The following SNTG2 variants were observed in gnomAD, a reference collection of about 807,000 sequenced individuals.
The protein encoded by SNTG2 is gamma-2-syntrophin.
In SNTG2, 74 loss-of-function variants were observed where a neutral mutation model predicts 70.9. The observed-to-expected ratio is 1.04, with a 90% CI of 0.86 to 1.27. SNTG2 has a LOEUF of 1.27. Among genes scored for constraint, SNTG2 ranks in the 50% most tolerant of loss-of-function variants. The probability of loss-of-function intolerance (pLI) is 0.00; values close to 1 mark genes in which losing one functional copy is unlikely to be tolerated. For synonymous variants in SNTG2, 278 were observed against 273.8 expected (o/e 1.02, Z -0.15); for missense variants, 717 against 690.7 (o/e 1.04, Z -0.43).
At chr2:1,309,051 T>G (rs917942684) in intron 15 of SNTG2, among the ~76,000 whole-genome samples, 1 of 152,176 alleles carries the variant, frequency 6.6e-6, no homozygotes, top group Admixed American at 6.5e-5. Flanking sequence ...ACTACGTAAG[T>G]GTTAAGGAAA....
intron 6 of SNTG2, among the ~76,000 whole-genome samples, chr2:1,146,817 C>G (rs1190930515): frequency 6.6e-6 from 1 of 152,148 alleles, no homozygotes; most frequent in Non-Finnish European, 1.5e-5. Flanking sequence ...AAATGGACAT[C>G]TACATGTACA....
chr2:1,005,583 C>T (rs1334182784), intron 1 of SNTG2, among the ~76,000 whole-genome samples: 4 of 151,364 alleles, frequency 2.6e-5, no homozygotes, highest in East Asian at 2.0e-4. Context: ...GCGGGTGGAT[C>T]GCCTGAGGTC....
intron 1 of SNTG2, among the ~76,000 whole-genome samples, chr2:1,011,808 A>T (rs1401846230): frequency 6.6e-6 from 1 of 152,214 alleles, no homozygotes; most frequent in Non-Finnish European, 1.5e-5. Flanking sequence ...ACTAAAAAAC[A>T]CATTTAAAAA....
intron 1 of SNTG2, among the ~76,000 whole-genome samples, chr2:997,613 T>C (rs1661731168): frequency 1.3e-5 from 2 of 152,096 alleles, no homozygotes; most frequent in Admixed American, 1.3e-4. Flanking sequence ...CAGAACTAGA[T>C]TGAGACCTCC....
At chr2:1,120,925 A>G (rs1444116959) in intron 4 of SNTG2, among the ~76,000 whole-genome samples, 2 of 152,130 alleles carry the variant, frequency 1.3e-5, no homozygotes, top group Non-Finnish European at 2.9e-5. Flanking sequence ...TATATAAAGA[A>G]CTTTCCATGC....
chr2:1,138,710 T>C (rs1307266253), intron 6 of SNTG2, among the ~76,000 whole-genome samples: 1 of 152,126 alleles, frequency 6.6e-6, no homozygotes, highest in East Asian at 1.9e-4. Context: ...GGAGTTTAAT[T>C]CTGTGAGTTG....
rs984470031 is a variant in SNTG2 at position 1,308,541 on chromosome 2, G to C, written c.1332G>C (p.Thr444=). The C allele has an allele frequency of 6.4e-7, 1 of 1,551,510 alleles. No individual in the cohort carries two copies. Among genetic ancestry groups the C allele is most frequent in the African/African-American group, 1.4e-5 (1 of 73,020 alleles). ...GGCAAGGAGAGATGCTGTGTTTCAC[G>C]GTGGATTTCGCGTTGGGATTTACCT... is the stretch of plus-strand genomic sequence containing the variant. ...CSWQGEMLCF[T]VDFALGFTCF... Residue 444 remains threonine (T), a synonymous_variant, in exon 15 of 17, where the codon ACG becomes ACC. Transcript: ENST00000308624.
At chr2:1,054,276 C>CTGA (rs201500871) in intron 1 of SNTG2, among the ~76,000 whole-genome samples, 3 of 46,816 alleles carry the variant, frequency 6.4e-5, no homozygotes, top group Non-Finnish European at 1.9e-4. Context: ...CCGTTCCCAC[C>CTGA]CAAGAGAGGC....
chr2:1,227,500 G>A (rs1475997876), intron 9 of SNTG2, among the ~76,000 whole-genome samples: 1 of 152,244 alleles, frequency 6.6e-6, no homozygotes, highest in Non-Finnish European at 1.5e-5. Flanking sequence ...GTTGGTGTGG[G>A]AGGGAGAGTC....
At chr2:1,176,355 G>C (rs1572649804) in intron 8 of SNTG2, among the ~76,000 whole-genome samples, 1 of 152,216 alleles carries the variant, frequency 6.6e-6, no homozygotes, top group East Asian at 1.9e-4. Flanking sequence ...TGAGTATTAG[G>C]ATTAATACCT....
intron 1 of SNTG2, among the ~76,000 whole-genome samples, chr2:1,060,181 T>C (rs940275579): frequency 1.3e-5 from 2 of 152,174 alleles, no homozygotes; most frequent in African/African-American, 4.8e-5. Context: ...TTGATAAATG[T>C]AATTACACTA....
At chr2:1,242,159 G>C (rs139537433) in intron 11 of SNTG2, among the ~76,000 whole-genome samples, 2 of 152,022 alleles carry the variant, frequency 1.3e-5, no homozygotes, top group Non-Finnish European at 2.9e-5. Context: ...ATGGTTTCAC[G>C]TTTTCTCCAA....
At chr2:1,110,916 AAC>A (rs2148247264) in intron 4 of SNTG2, among the ~76,000 whole-genome samples, 1 of 152,324 alleles carries the variant, frequency 6.6e-6, no homozygotes, top group East Asian at 1.9e-4. Flanking sequence ...TGTGTGCAGA[AAC>A]ACAATGTCAG....
chr2:992,962 C>T (rs1558299145), intron 1 of SNTG2, among the ~76,000 whole-genome samples: 1 of 152,020 alleles, frequency 6.6e-6, no homozygotes, highest in Non-Finnish European at 1.5e-5. Context: ...TCCTGATTAC[C>T]CCTCCCCCCA....
intron 14 of SNTG2, among the ~76,000 whole-genome samples, chr2:1,274,231 G>C (rs140102411): frequency 1.8e-4 from 27 of 152,340 alleles, no homozygotes; most frequent in African/African-American, 5.3e-4. Context: ...TAAATGTAAA[G>C]ACAAATTCGC....
chr2:1,341,253 T>C (rs1299900662), intron 16 of SNTG2: 1 of 152,190 alleles, frequency 6.6e-6, no homozygotes, highest in Non-Finnish European at 1.5e-5. Flanking sequence ...GATGATCCCT[T>C]TGTTCCCCAT....
At chr2:1,215,481 T>C (rs1674317989) in intron 9 of SNTG2, among the ~76,000 whole-genome samples, 1 of 152,208 alleles carries the variant, frequency 6.6e-6, no homozygotes, top group Non-Finnish European at 1.5e-5. Context: ...TCCATTGTGA[T>C]AGGTTGTATG....
chr2:1,183,308 A>T (rs577589890), intron 8 of SNTG2, among the ~76,000 whole-genome samples: 8 of 151,684 alleles, frequency 5.3e-5, no homozygotes, highest in Non-Finnish European at 1.2e-4. Context: ...AACCATTATG[A>T]TTCATTTGTG....
At chr2:1,111,546 A>G (rs570285527) in intron 4 of SNTG2, among the ~76,000 whole-genome samples, 2 of 152,298 alleles carry the variant, frequency 1.3e-5, no homozygotes, top group Admixed American at 1.3e-4. Flanking sequence ...TTGCTCCTCA[A>G]GTTCAGCCAG....
Sources: gnomAD v4.1 joint callset for allele counts (sites outside exome capture counted in the v4.1 genomes callset) on GRCh38, gnomAD v4.1.1 for gene constraint, MANE v1.5 for transcripts, NCBI Gene and HGNC (gene_info 2026-07-23, HGNC 2026-07-21) for gene names.